The following EEA1 variants were observed in gnomAD, a reference collection of about 807,000 sequenced individuals.
EEA1 encodes the protein early endosome antigen 1.
In EEA1, 111 loss-of-function variants were observed where a neutral mutation model predicts 209.2. The ratio of observed to expected loss-of-function variants is 0.53; its 90% CI spans 0.45 to 0.62. The LOEUF is 0.62. Among genes scored for constraint, EEA1 ranks in the 20% least tolerant of loss-of-function variants. The probability of loss-of-function intolerance (pLI) is 0.00; values close to 1 mark genes in which losing one functional copy is unlikely to be tolerated. For synonymous variants in EEA1, 536 were observed against 540.6 expected (o/e 0.99, Z 0.12); for missense variants, 1,343 against 1,530.8 (o/e 0.88, Z 2.05).
chr12:92,825,629 C>G (rs181176136), intron 13 of EEA1, among the ~76,000 whole-genome samples: 122 of 152,036 alleles, frequency 8.0e-4, no homozygotes, highest in Non-Finnish European at 1.6e-3. Flanking sequence ...ACCTACAATT[C>G]CAGTGTTCAG....
intron 17 of EEA1, 140 bp downstream of exon 17, chr12:92,811,139 T>C (rs1244516662): frequency 4.0e-6 from 2 of 499,814 alleles, no homozygotes; most frequent in Non-Finnish European, 6.5e-6. Context: ...CATGAAAAAT[T>C]ACAAGCAATT....
chr12:92,813,982 C>T (rs1875655930), intron 15 of EEA1, among the ~76,000 whole-genome samples: 1 of 151,750 alleles, frequency 6.6e-6, no homozygotes, highest in Non-Finnish European at 1.5e-5. Flanking sequence ...CACTGCACTC[C>T]AGCCTGGCGA....
At chr12:92,906,153 G>A (rs1227816655) in intron 1 of EEA1, among the ~76,000 whole-genome samples, 4 of 149,624 alleles carry the variant, frequency 2.7e-5, no homozygotes, top group African/African-American at 9.9e-5. Flanking sequence ...GTGCAGTGGT[G>A]TAATCTCGGC....
At chr12:92,799,445 A>G (rs1874802507) in intron 20 of EEA1, among the ~76,000 whole-genome samples, 1 of 152,178 alleles carries the variant, frequency 6.6e-6, no homozygotes, top group Non-Finnish European at 1.5e-5. Context: ...TATGGAAAAT[A>G]GGTATGTCAA....
intron 3 of EEA1, among the ~76,000 whole-genome samples, chr12:92,861,311 C>A (rs1878135309): frequency 6.6e-6 from 1 of 152,094 alleles, no homozygotes; most frequent in African/African-American, 2.4e-5. Flanking sequence ...CAAAATTAGC[C>A]GGGCGTGGTG....
chr12:92,866,973 G>GT (rs1195110723), intron 2 of EEA1, among the ~76,000 whole-genome samples: 5 of 152,100 alleles, frequency 3.3e-5, no homozygotes, highest in Admixed American at 6.5e-5. Context: ...CGGATACTCA[G>GT]TATCTCTTGT....
chr12:92,928,949 A>AGGAGCCCGCGCTGAGGAGG (rs1881319459), intron 1 of EEA1, 94 bp downstream of exon 1: 3 of 1,360,252 alleles, frequency 2.2e-6, no homozygotes, highest in South Asian at 1.3e-5. Context: ...TAGGGAAGGA[A>AGGAGCCCGCGCTGAGGAGG]GGAGCCCGCG....
At chr12:92,898,124 A>C (rs1879968275) in intron 1 of EEA1, among the ~76,000 whole-genome samples, 1 of 152,232 alleles carries the variant, frequency 6.6e-6, no homozygotes, top group African/African-American at 2.4e-5. Flanking sequence ...AACTAGAACA[A>C]GTACAAAATA....
chr12:92,827,217 C>A (rs1403240877), intron 12 of EEA1, among the ~76,000 whole-genome samples: 1 of 151,982 alleles, frequency 6.6e-6, no homozygotes, highest in African/African-American at 2.4e-5. Context: ...ATTAGCTGGG[C>A]GTAGTGGCGC....
chr12:92,868,847 G>C (rs1402416506), intron 2 of EEA1, among the ~76,000 whole-genome samples: 1 of 151,968 alleles, frequency 6.6e-6, no homozygotes, highest in Non-Finnish European at 1.5e-5. Context: ...ATTTATCACT[G>C]AAAAGATGTC....
At position 92,890,318 on chromosome 12, in the gene EEA1, G is replaced by T. The variant is rs1173209940; in HGVS notation, c.117+1311C>A. On this transcript the variant is annotated intron_variant, in intron 2 of 28. Coordinates refer to ENST00000322349, the MANE Select transcript of EEA1 (RefSeq NM_003566.4). ...AAAAAGAATGGAATCCACAGAACAAGAGAAAGGACTGAAATTTTATAAAAA... is the reference window on the plus strand; with the variant it reads ...AAAAAGAATGGAATCCACAGAACAATAGAAAGGACTGAAATTTTATAAAAA... 3.3e-5 allele frequency among the ~76,000 whole-genome samples: 5 copies of T among 152,142 alleles called. No homozygotes were observed. In the East Asian group the frequency reaches 9.6e-4, roughly 29 times the overall value.
intron 9 of EEA1, among the ~76,000 whole-genome samples, chr12:92,850,040 A>G (rs2136707777): frequency 6.6e-6 from 1 of 152,350 alleles, no homozygotes; most frequent in South Asian, 2.1e-4. Context: ...CATATTATAC[A>G]AGGGATTTAC....
chr12:92,906,054 G>T (rs1252210821), intron 1 of EEA1, among the ~76,000 whole-genome samples: 1 of 151,206 alleles, frequency 6.6e-6, no homozygotes, highest in Non-Finnish European at 1.5e-5. Flanking sequence ...CTACAGATGA[G>T]TGCCACCACA....
chr12:92,869,164 A>G (rs896004361), intron 2 of EEA1, among the ~76,000 whole-genome samples: 14 of 152,160 alleles, frequency 9.2e-5, no homozygotes, highest in Non-Finnish European at 1.3e-4. Context: ...ATTTTTTTCT[A>G]AATGATGTCC....
chr12:92,825,410 C>G (rs775495925), intron 13 of EEA1, among the ~76,000 whole-genome samples: 1 of 151,254 alleles, frequency 6.6e-6, no homozygotes, highest in African/African-American at 2.4e-5. Context: ...GCCGAGATAG[C>G]GCCACTGCAC....
intron 28 of EEA1, 86 bp from the exon 29 acceptor site, chr12:92,776,219 T>A (rs1873653139): frequency 7.7e-7 from 1 of 1,298,084 alleles, no homozygotes; most frequent in Admixed American, 2.5e-5. Flanking sequence ...CCAACTACAT[T>A]ATGAAGGTAC....
intron 1 of EEA1, among the ~76,000 whole-genome samples, chr12:92,908,483 T>A (rs565662403): frequency 1.8e-3 from 280 of 152,216 alleles, no homozygotes; most frequent in African/African-American, 4.4e-3. Context: ...TTAAAAAAAA[T>A]TTTTTTAAAA....
rs1243692629 is a variant in EEA1 at position 92,842,571 on chromosome 12, C to T, written c.809G>A (p.Ser270Asn). ...TTTGGCAAGTTCACTCCTTAGCTGGCTTATTGTGGCCTAACAAAACAAAAC... is the reference window on the plus strand; with the variant it reads ...TTTGGCAAGTTCACTCCTTAGCTGGTTTATTGTGGCCTAACAAAACAAAAC... ...SQYASSEATISQLRSELAKGP... is the reference protein window; with the variant it reads ...SQYASSEATINQLRSELAKGP... The change falls in exon 10 of 29, where the codon AGC becomes AAC. Residue 270 changes from serine (S) to asparagine (N), a missense_variant. Transcript: ENST00000322349. 3 of 1,587,396 alleles carry T rather than the reference C, an allele frequency of 1.9e-6. No homozygotes were observed. Among genetic ancestry groups the T allele is most frequent in the African/African-American group, 1.4e-5 (1 of 73,606 alleles).
intron 9 of EEA1, among the ~76,000 whole-genome samples, chr12:92,843,378 C>T (rs1301431085): frequency 1.3e-5 from 2 of 152,018 alleles, no homozygotes; most frequent in African/African-American, 4.8e-5. Context: ...AGGCTGGTCC[C>T]CAACTCCTGG....
Sources: gnomAD v4.1 joint callset for allele counts (sites outside exome capture counted in the v4.1 genomes callset) on GRCh38, gnomAD v4.1.1 for gene constraint, MANE v1.5 for transcripts, NCBI Gene and HGNC (gene_info 2026-07-23, HGNC 2026-07-21) for gene names.